The following AHCYL2 variants were observed in gnomAD, a reference collection of about 807,000 sequenced individuals.
The protein encoded by AHCYL2 is adenosylhomocysteinase like 2.
Under a neutral mutation model 81.4 loss-of-function variants are expected in AHCYL2, and 28 were observed. The ratio of observed to expected loss-of-function variants is 0.34; its 90% CI spans 0.25 to 0.47. AHCYL2 has a LOEUF of 0.47. AHCYL2 is among the 20% of genes least tolerant of loss of function. The pLI, the probability that AHCYL2 is intolerant of heterozygous loss-of-function variation, is 1.00. For missense variants in AHCYL2, 551 were observed against 785.1 expected (o/e 0.70, Z 3.56); for synonymous variants, 272 against 290.2 (o/e 0.94, Z 0.64).
chr7:129,254,878 T>A (rs556362489), intron 1 of AHCYL2, among the ~76,000 whole-genome samples: 5 of 152,334 alleles, frequency 3.3e-5, no homozygotes, highest in East Asian at 3.9e-4. Context: ...AGAATTTGAA[T>A]AGTTTTTTGT....
intron 1 of AHCYL2, among the ~76,000 whole-genome samples, chr7:129,290,241 T>C (rs952164173): frequency 6.6e-6 from 1 of 152,034 alleles, no homozygotes; most frequent in Non-Finnish European, 1.5e-5. Context: ...CGGTGGCTCA[T>C]GCCTGTAATC....
intron 4 of AHCYL2, among the ~76,000 whole-genome samples, chr7:129,394,305 T>TGGCTC (rs1795608985): frequency 6.6e-6 from 1 of 151,890 alleles, no homozygotes; most frequent in South Asian, 2.1e-4. Context: ...TCACTGTGCC[T>TGGCTC]GGCTCAGTTC....
intron 1 of AHCYL2, among the ~76,000 whole-genome samples, chr7:129,338,022 G>C (rs1193272456): frequency 1.3e-5 from 2 of 152,182 alleles, no homozygotes; most frequent in Admixed American, 6.5e-5. Context: ...GGGATTACAG[G>C]TATGAGCCAC....
intron 1 of AHCYL2, among the ~76,000 whole-genome samples, chr7:129,266,625 G>C (rs1214935527): frequency 6.6e-6 from 1 of 152,118 alleles, no homozygotes; most frequent in African/African-American, 2.4e-5. Context: ...TTTTTATCAG[G>C]GTAACGTCTT....
chr7:129,318,528 GT>G (rs1160371040), intron 1 of AHCYL2, among the ~76,000 whole-genome samples: 2 of 152,214 alleles, frequency 1.3e-5, no homozygotes, highest in Non-Finnish European at 2.9e-5. Context: ...ATCCATGGTG[GT>G]GGGTAAGATT....
chr7:129,239,066 A>G (rs1181670158), intron 1 of AHCYL2, among the ~76,000 whole-genome samples: 3 of 152,244 alleles, frequency 2.0e-5, no homozygotes, highest in African/African-American at 7.2e-5. Flanking sequence ...ACTAACCAAA[A>G]TCATGGGAGA....
chr7:129,232,181 C>G (rs191777671), intron 1 of AHCYL2, among the ~76,000 whole-genome samples: 57 of 152,322 alleles, frequency 3.7e-4, no homozygotes, highest in Admixed American at 1.8e-3. Flanking sequence ...TTCTTGGAAA[C>G]TCTTCTCTTG....
At chr7:129,303,125 C>T (rs1174358052) in intron 1 of AHCYL2, among the ~76,000 whole-genome samples, 2 of 152,134 alleles carry the variant, frequency 1.3e-5, no homozygotes, top group Non-Finnish European at 2.9e-5. Context: ...TTCAGCCTCC[C>T]AAGTAGCTGC....
chr7:129,400,550 C>T (rs977102094), intron 6 of AHCYL2, among the ~76,000 whole-genome samples, 166 bp downstream of exon 6: 2 of 152,124 alleles, frequency 1.3e-5, no homozygotes, highest in Admixed American at 6.6e-5. Flanking sequence ...CTACGGGTAC[C>T]CCAAGAGTAT....
intron 1 of AHCYL2, among the ~76,000 whole-genome samples, chr7:129,285,551 A>T: frequency 6.6e-6 from 1 of 152,170 alleles, no homozygotes; most frequent in Non-Finnish European, 1.5e-5. Flanking sequence ...AAAGGTACAA[A>T]AAAAGGAACT....
intron 1 of AHCYL2, among the ~76,000 whole-genome samples, chr7:129,236,734 A>G (rs1452073088): frequency 6.6e-6 from 1 of 152,174 alleles, no homozygotes; most frequent in Non-Finnish European, 1.5e-5. Context: ...TACATTTACC[A>G]ATACTGAGTA....
intron 1 of AHCYL2, among the ~76,000 whole-genome samples, chr7:129,261,328 A>T (rs993452346): frequency 6.6e-6 from 1 of 152,206 alleles, no homozygotes; most frequent in African/African-American, 2.4e-5. Context: ...ATTGATAAAC[A>T]TCTACTAAGA....
At chr7:129,264,723 A>G (rs1795758893) in intron 1 of AHCYL2, among the ~76,000 whole-genome samples, 1 of 152,058 alleles carries the variant, frequency 6.6e-6, no homozygotes, top group Non-Finnish European at 1.5e-5. Flanking sequence ...ACATCAAGGA[A>G]CTCGAAGGCT....
chr7:129,421,462 T>C (rs1797116532), intron 12 of AHCYL2, among the ~76,000 whole-genome samples: 1 of 152,206 alleles, frequency 6.6e-6, no homozygotes, highest in Admixed American at 6.5e-5. Flanking sequence ...TGGGCACTTA[T>C]ATTTCTGAAC....
At chr7:129,300,282 C>T (rs532952421) in intron 1 of AHCYL2, among the ~76,000 whole-genome samples, 2 of 152,142 alleles carry the variant, frequency 1.3e-5, no homozygotes, top group African/African-American at 2.4e-5. Context: ...CCGCCTCCCC[C>T]CCAGCCTCCT....
intron 1 of AHCYL2, among the ~76,000 whole-genome samples, chr7:129,306,090 C>T (rs935375835): frequency 5.3e-5 from 8 of 152,152 alleles, no homozygotes; most frequent in Non-Finnish European, 1.5e-5. Flanking sequence ...ATTAAATCTG[C>T]TTGGTGTTCT....
At chr7:129,269,702 T>C (rs566567064) in intron 1 of AHCYL2, among the ~76,000 whole-genome samples, 24 of 152,296 alleles carry the variant, frequency 1.6e-4, no homozygotes, top group African/African-American at 5.8e-4. Context: ...TCTCAAAGTG[T>C]AGCCACCATA....
At chr7:129,230,390 CT>C (rs1361258988) in intron 1 of AHCYL2, among the ~76,000 whole-genome samples, 2 of 150,952 alleles carry the variant, frequency 1.3e-5, no homozygotes, top group Non-Finnish European at 3.0e-5. Flanking sequence ...CTATTTAATT[CT>C]TTTAAGAGGC....
chr7:129,358,764 T>C (rs891339983), intron 1 of AHCYL2, among the ~76,000 whole-genome samples: 2 of 151,424 alleles, frequency 1.3e-5, no homozygotes, highest in Non-Finnish European at 2.9e-5. Context: ...TTTACCACAA[T>C]TTTTTTTTAA....
Sources: gnomAD v4.1 joint callset for allele counts (sites outside exome capture counted in the v4.1 genomes callset) on GRCh38, gnomAD v4.1.1 for gene constraint, MANE v1.5 for transcripts, NCBI Gene and HGNC (gene_info 2026-07-23, HGNC 2026-07-21) for gene names.